Variants in POU2F2 observed in about 807,000 individuals in gnomAD.
The protein encoded by POU2F2 is POU class 2 homeobox 2.
A neutral mutation model predicts 63.5 loss-of-function variants in POU2F2; 14 were observed. That is an observed-to-expected ratio of 0.22 (90% CI 0.15 to 0.34). The LOEUF (loss-of-function observed/expected upper bound fraction) is 0.34. POU2F2 is among the 10% of genes least tolerant of loss of function. POU2F2 has a pLI of 1.00. For synonymous variants in POU2F2, 306 were observed against 348.6 expected (o/e 0.88, Z 1.36); for missense variants, 607 against 815.2 (o/e 0.74, Z 3.11).
At chr19:42,170,010 G>A (rs1268514258) in intron 1 of POU2F2, among the ~76,000 whole-genome samples, 1 of 152,060 alleles carries the variant, frequency 6.6e-6, no homozygotes, top group Admixed American at 6.5e-5. Context: ...TGGGGGAGGG[G>A]CTGGTCCCCA....
At position 42,088,310 on chromosome 19, in the gene POU2F2, CA is replaced by C. The variant is rs2076611670; in HGVS notation, c.*2946del. On this transcript the variant is annotated 3_prime_UTR_variant, in exon 15 of 15. Coordinates refer to ENST00000692977, the MANE Select transcript of POU2F2 (RefSeq NM_001394376.1). ...GTGAGGGTTGGATGGGGAGGGTCCC[CA>C]GCACCCCCGGCTGCACAGGGGTCCC... 6.6e-6 allele frequency: 1 copy of C among 152,074 alleles called. No homozygotes were observed. Among genetic ancestry groups the C allele is most frequent in the Non-Finnish European group, 1.5e-5 (1 of 68,010 alleles). The allele number at this position is 152,074 out of a possible 1,614,324, so 9.4% of individuals were successfully genotyped here.
At chr19:42,183,347 C>T (rs1030337455) in intron 1 of POU2F2, among the ~76,000 whole-genome samples, 1 of 152,160 alleles carries the variant, frequency 6.6e-6, no homozygotes, top group Non-Finnish European at 1.5e-5. Context: ...GAAGACCACA[C>T]ACTGTAGGAT....
At chr19:42,116,904 A>T in intron 5 of POU2F2, 1 of 501,094 alleles carries the variant, frequency 2.0e-6, no homozygotes, top group Admixed American at 2.4e-5. Context: ...CAGCGGCGTT[A>T]GCGGCAGCGG....
intron 2 of POU2F2, among the ~76,000 whole-genome samples, chr19:42,158,371 T>C (rs2034495108): frequency 6.6e-6 from 1 of 152,158 alleles, no homozygotes; most frequent in Admixed American, 6.5e-5. Flanking sequence ...TGCCACACTG[T>C]GGAGATACCA....
At chr19:42,159,364 C>T (rs1169080608) in intron 2 of POU2F2, among the ~76,000 whole-genome samples, 1 of 152,216 alleles carries the variant, frequency 6.6e-6, no homozygotes, top group Non-Finnish European at 1.5e-5. Flanking sequence ...CCCTGGGCTA[C>T]AGCTTCCATC....
intron 1 of POU2F2, among the ~76,000 whole-genome samples, chr19:42,124,697 T>G (rs1052057417): frequency 3.3e-5 from 5 of 152,200 alleles, no homozygotes; most frequent in African/African-American, 1.2e-4. Context: ...ATAAATAAAA[T>G]GTGGTATGTC....
Position 42,174,891 on chromosome 19 carries a change from T to A in POU2F2, c.-70+1072A>T, listed in dbSNP as rs147279898. ...AGCGAAGCGGCTGATTGGGTCTTTC[T>A]CTAAATCCAGGACCTACTCCCCAAC... On this transcript the variant is annotated intron_variant, in intron 1 of 6. Coordinates refer to the POU2F2 transcript ENST00000524801. 9.6e-3 allele frequency among the ~76,000 whole-genome samples: 1,454 copies of A among 152,164 alleles called. 10 individuals carry two copies. Among genetic ancestry groups the A allele is most frequent in the Admixed American group, 0.018 (269 of 15,300 alleles).
At position 42,122,583 on chromosome 19, in the gene POU2F2, A is replaced by T; in HGVS notation, c.29-7T>A. On this transcript the variant is annotated splice_polypyrimidine_tract_variant and splice_region_variant and intron_variant, in intron 1 of 14. Coordinates refer to ENST00000692977, the MANE Select transcript of POU2F2 (RefSeq NM_001394376.1). ...GGCTTAGACATTCTTATTTCTGGGG[A>T]CAGAGGAGGAATGGAAGTGGGGTGA... 1 of 1,569,164 alleles carries T rather than the reference A, an allele frequency of 6.4e-7. No homozygotes were observed. Among genetic ancestry groups the T allele is most frequent in the South Asian group, 1.2e-5 (1 of 84,938 alleles).
chr19:42,108,540 A>G (rs1005565435), intron 5 of POU2F2, among the ~76,000 whole-genome samples: 2 of 152,138 alleles, frequency 1.3e-5, no homozygotes, highest in Non-Finnish European at 2.9e-5. Flanking sequence ...ACGCCACTGC[A>G]CTCCAGCTTG....
chr19:42,117,000 C>T (rs772896517), intron 5 of POU2F2: 13 of 618,382 alleles, frequency 2.1e-5, no homozygotes, highest in African/African-American at 9.2e-5. Context: ...GCATCAGTGC[C>T]GTGAGCTGCG....
At chr19:42,116,892 G>T (rs1420263950) in intron 5 of POU2F2, 2 of 478,264 alleles carry the variant, frequency 4.2e-6, no homozygotes, top group African/African-American at 2.0e-5. Flanking sequence ...CGGCGGCGGC[G>T]GCAGCGGCGT....
intron 1 of POU2F2, among the ~76,000 whole-genome samples, chr19:42,185,080 A>C (rs546234738): frequency 2.0e-5 from 3 of 152,106 alleles, no homozygotes; most frequent in Admixed American, 2.0e-4. Context: ...TTCACATCCA[A>C]TCAGGATTGA....
In POU2F2 at chr19:42,095,275, G is replaced by A; in HGVS notation, c.1197+11C>T. ...TGTGGTCTCCCCACCCCCCAGGCGGGCTCTTGGTACCATATGGGGGCTGTA... is the reference window on the plus strand; with the variant it reads ...TGTGGTCTCCCCACCCCCCAGGCGGACTCTTGGTACCATATGGGGGCTGTA... On this transcript the variant is annotated intron_variant, in intron 11 of 14. Coordinates refer to ENST00000692977, the MANE Select transcript of POU2F2 (RefSeq NM_001394376.1). This position sits in a 1 kb window ranked among gnomAD's most constrained non-coding sequence, Gnocchi z 7.1. The A allele has an allele frequency of 3.1e-6, 5 of 1,609,900 alleles. No individual in the cohort carries two copies. The highest frequency in any genetic ancestry group is 1.1e-5 in the South Asian group (1 of 90,728).
At chr19:42,137,850 T>C (rs2034048385) in intron 2 of POU2F2, among the ~76,000 whole-genome samples, 1 of 152,066 alleles carries the variant, frequency 6.6e-6, no homozygotes, top group African/African-American at 2.4e-5. Context: ...AGGAAGACAC[T>C]CCAGGCAATG....
intron 1 of POU2F2, among the ~76,000 whole-genome samples, chr19:42,166,667 G>C (rs1360060763): frequency 2.6e-5 from 4 of 152,124 alleles, no homozygotes; most frequent in Admixed American, 2.0e-4. Flanking sequence ...TGGGAGTAAG[G>C]AGGAGTTGAT....
At chr19:42,112,667 G>T (rs942622153) in intron 5 of POU2F2, among the ~76,000 whole-genome samples, 2 of 151,936 alleles carry the variant, frequency 1.3e-5, no homozygotes, top group African/African-American at 4.8e-5. Flanking sequence ...ACCCTGCCCG[G>T]CCCAGGGGAC....
intron 4 of POU2F2, among the ~76,000 whole-genome samples, chr19:42,120,149 G>A (rs550038114): frequency 9.9e-5 from 15 of 151,672 alleles, no homozygotes; most frequent in Admixed American, 3.3e-4. Flanking sequence ...GGGCTCAAGC[G>A]ATCTACCCAC....
At chr19:42,192,980 G>A (rs2035089948) in intron 1 of POU2F2, among the ~76,000 whole-genome samples, 1 of 152,020 alleles carries the variant, frequency 6.6e-6, no homozygotes. Flanking sequence ...CAGCACTTTG[G>A]GAGGCTGAGG....
upstream of POU2F2, among the ~76,000 whole-genome samples, chr19:42,178,977 A>T (rs150494753): frequency 6.6e-5 from 10 of 152,258 alleles, no homozygotes; most frequent in Non-Finnish European, 1.3e-4. Flanking sequence ...AGTGAGATGG[A>T]GAAAGGCACT....
Sources: gnomAD v4.1 joint callset for allele counts (sites outside exome capture counted in the v4.1 genomes callset) on GRCh38, gnomAD v4.1.1 for gene constraint, Gnocchi (gnomAD v3.1) non-coding constraint, MANE v1.5 for transcripts, NCBI Gene and HGNC (gene_info 2026-07-23, HGNC 2026-07-21) for gene names.